Variants in DUOX1 observed in about 807,000 individuals in gnomAD.
DUOX1 encodes NADPH thyroid oxidase 1.
DUOX1 carries 134 observed loss-of-function variants against 181.8 expected under a neutral mutation model. The observed-to-expected ratio is 0.74, with a 90% confidence interval of 0.64 to 0.85. DUOX1 has a LOEUF of 0.85. Among genes scored for constraint, DUOX1 ranks in the 40% least tolerant of loss-of-function variants. The pLI is 0.00. For missense variants in DUOX1, 1,814 were observed against 2,064.4 expected (o/e 0.88, Z 2.35); for synonymous variants, 798 against 832.5 (o/e 0.96, Z 0.71).
At chr15:45,141,558 C>T (rs1373418927) in intron 14 of DUOX1, 148 bp downstream of exon 14, 2 of 859,670 alleles carry the variant, frequency 2.3e-6, no homozygotes, top group Non-Finnish European at 3.8e-6. Flanking sequence ...ACTCCAGGTG[C>T]CAGGGCCACC....
intron 25 of DUOX1, chr15:45,153,172 G>C (rs1896859232): frequency 4.0e-6 from 2 of 494,538 alleles, no homozygotes; most frequent in Non-Finnish European, 7.1e-6. Context: ...AGTGAGCCGA[G>C]ATCGCACCAC....
intron 1 of DUOX1, chr15:45,131,698 A>T: frequency 2.0e-6 from 1 of 498,498 alleles, no homozygotes; most frequent in African/African-American, 2.0e-5. Flanking sequence ...TTTGTTCGTC[A>T]CTTAATCTCC....
chr15:45,163,382 G>A (rs1409310356), intron 31 of DUOX1, 150 bp from the exon 32 acceptor site: 1 of 1,147,368 alleles, frequency 8.7e-7, no homozygotes, highest in Non-Finnish European at 1.2e-6. Context: ...TCAGAGCCTG[G>A]CCCCGTGGCC....
At chr15:45,153,580 A>T in intron 26 of DUOX1, 101 bp downstream of exon 26, 1 of 1,236,674 alleles carries the variant, frequency 8.1e-7, no homozygotes, top group Admixed American at 1.7e-5. Flanking sequence ...GGTGGAAAGA[A>T]ATTATCTGGC....
In DUOX1 at chr15:45,164,844, T is replaced by G; in HGVS notation, c.4599T>G (p.Cys1533Trp). ...PGMTKNVEKA[C>W]QLINRQDRTH... ...TGACCAAGAATGTGGAAAAGGCCTG[T>G]CAGCTCATCAACAGGCAGGACCGGA... is the stretch of plus-strand genomic sequence containing the variant. Residue 1533 changes from cysteine to tryptophan, a missense_variant, in exon 34 of 34, where the codon TGT (cysteine) becomes TGG (tryptophan). By Grantham distance (215) the Cys-to-Trp change is radical. Transcript: ENST00000389037. 6.2e-7 allele frequency: 1 copy of G among 1,614,096 alleles called. No individual in the cohort carries two copies. The highest frequency in any genetic ancestry group is 8.5e-7 in the Non-Finnish European group (1 of 1,179,964).
rs1479260481 is a variant in DUOX1 at position 45,153,394 on chromosome 15, G to A, written c.3439G>A (p.Gly1147Ser). 1 of 1,613,832 alleles carries A rather than the reference G, an allele frequency of 6.2e-7. No individual in the cohort carries two copies. Among genetic ancestry groups the A allele is most frequent in the East Asian group, 2.2e-5 (1 of 44,860 alleles). The change falls in exon 26 of 34, where the codon GGC (glycine) becomes AGC (serine). Residue 1147 changes from glycine (G) to serine (S), a missense_variant. Transcript: ENST00000389037. ...CTCTTCCTTAGTCTTACACAGTGTG[G>A]GCCATGTGGTGAATGTGTACCTGTT... ...AIVLTVLHSVGHVVNVYLFSI... is the reference protein window; with the variant it reads ...AIVLTVLHSVSHVVNVYLFSI...
At chr15:45,137,117 G>A (rs1896339937) in intron 9 of DUOX1, among the ~76,000 whole-genome samples, 1 of 151,426 alleles carries the variant, frequency 6.6e-6, no homozygotes, top group Admixed American at 6.6e-5. Context: ...GGAGGCAGAG[G>A]TGGGTGGTTC....
chr15:45,145,932 G>A (rs971334208), intron 18 of DUOX1, among the ~76,000 whole-genome samples: 9 of 148,536 alleles, frequency 6.1e-5, no homozygotes, highest in Non-Finnish European at 1.0e-4. Context: ...AAAAAAAAAA[G>A]ATAAATACAG....
At position 45,136,360 on chromosome 15, in the gene DUOX1, T is replaced by G. The variant is rs573527785; in HGVS notation, c.875T>G (p.Val292Gly). Residue 292 changes from valine to glycine, a missense_variant, in exon 8 of 34, where the codon GTG becomes GGG. Physicochemically the swap from Val to Gly is moderately radical, Grantham distance 109. Transcript: ENST00000389037. Reference protein sequence around the residue: ...RVIATYQNIAVYEWLPSFLQK... With the variant: ...RVIATYQNIAGYEWLPSFLQK... The stretch of plus-strand genomic sequence containing the variant: ...CTCTCTGCCCCTCAGAACATCGCTG[T>G]GTATGAGTGGCTGCCCAGCTTCCTG... The G allele has an allele frequency of 6.2e-7, 1 of 1,613,704 alleles. No homozygotes were observed. Among genetic ancestry groups the G allele is most frequent in the Admixed American group, 1.7e-5 (1 of 60,010 alleles).
In DUOX1 at chr15:45,135,154, G is replaced by T. The variant is rs150824079; in HGVS notation, c.358G>T (p.Ala120Ser). 22 of 1,613,638 alleles carry T rather than the reference G, an allele frequency of 1.4e-5. No individual in the cohort carries two copies. The East Asian group carries it at 2.7e-4, about 20-fold the overall frequency. The change falls in exon 5 of 34, where the codon GCC becomes TCC. Residue 120 changes from alanine to serine, a missense_variant. Coordinates refer to ENST00000389037, the MANE Select transcript of DUOX1 (RefSeq NM_175940.3). ...LVSVETPGCPAEFLNIRIPPG... is the reference protein window; with the variant it reads ...LVSVETPGCPSEFLNIRIPPG... ...GAGCGTGGAAACTCCCGGCTGCCCC[G>T]CCGAGTTCCTCAACATTCGCATCCC...
At chr15:45,133,804 C>A in intron 2 of DUOX1, 60 bp from the exon 3 acceptor site, 1 of 1,473,208 alleles carries the variant, frequency 6.8e-7, no homozygotes. Context: ...ATCCGGCAGG[C>A]CTGCCTGTCC....
In DUOX1 at chr15:45,135,158, A is replaced by G. The variant is rs755915948; in HGVS notation, c.362A>G (p.Glu121Gly). Residue 121 changes from glutamate (E) to glycine (G), a missense_variant, in exon 5 of 34, where the codon GAG becomes GGG. This residue lies in a region of DUOX1 where 320 missense variants were observed against 313.1 expected (regional missense o/e 1.02). Coordinates refer to ENST00000389037, the MANE Select transcript of DUOX1 (RefSeq NM_175940.3). ...VSVETPGCPA[E>G]FLNIRIPPGD... ...GTGGAAACTCCCGGCTGCCCCGCCG[A>G]GTTCCTCAACATTCGCATCCCGCCC... is the stretch of plus-strand genomic sequence containing the variant. 2 of 1,613,518 alleles carry G rather than the reference A, an allele frequency of 1.2e-6. No individual in the cohort carries two copies. The highest frequency in any genetic ancestry group is 3.3e-5 in the Admixed American group (2 of 59,978).
Position 45,162,346 on chromosome 15 carries a change from C to A in DUOX1, c.4217C>A (p.Ser1406Ter), listed in dbSNP as rs1897130248. The A allele has an allele frequency of 2.5e-6, 4 of 1,613,970 alleles. No individual in the cohort carries two copies. The highest frequency in any genetic ancestry group is 2.5e-6 in the Non-Finnish European group (3 of 1,180,010). Residue 1406 changes from serine to a stop codon, truncating the protein, a stop_gained, in exon 31 of 34, where the codon TCA becomes TAA. Transcript: ENST00000389037. LOFTEE classifies it high-confidence loss of function. ...ASILKDLVFK[S>*]SVSCQVFCKK... The stretch of plus-strand genomic sequence containing the variant: ...ATCCTCAAAGACCTGGTCTTCAAGT[C>A]ATCCGTCAGCTGCCAAGTGTTCTGT...
At chr15:45,152,946 C>G (rs544114860) in intron 25 of DUOX1, 11 of 312,580 alleles carry the variant, frequency 3.5e-5, no homozygotes, top group Non-Finnish European at 6.6e-5. Context: ...TCCAGGCCGG[C>G]GCGGCGGCTT....
In DUOX1 at chr15:45,133,890, G is replaced by T; in HGVS notation, c.85G>T (p.Val29Leu). 2 of 1,613,932 alleles carry T rather than the reference G, an allele frequency of 1.2e-6. No individual in the cohort carries two copies. Among genetic ancestry groups the T allele is most frequent in the Non-Finnish European group, 1.7e-6 (2 of 1,179,948 alleles). ...AGCTCAGAACCCCATTTCGTGGGAG[G>T]TGCAGCGATTTGATGGGTGGTACAA... ...LGAQNPISWEVQRFDGWYNNL... is the reference protein window; with the variant it reads ...LGAQNPISWELQRFDGWYNNL... Residue 29 changes from valine to leucine, a missense_variant, in exon 3 of 34, where the codon GTG (valine) becomes TTG (leucine). This residue lies in a region of DUOX1 where 320 missense variants were observed against 313.1 expected (regional missense o/e 1.02). Transcript: ENST00000389037.
In DUOX1 at chr15:45,140,928, G is replaced by T. The variant is rs746198491; in HGVS notation, c.1423G>T (p.Asp475Tyr). Reference sequence around the variant, plus strand: ...GGCCACAGCTGCCCTGTACAACCAGGACTTATCCTGGCTAGAGCTGCTCCC... The same window carrying T: ...GGCCACAGCTGCCCTGTACAACCAGTACTTATCCTGGCTAGAGCTGCTCCC... ...LEATAALYNQ[D>Y]LSWLELLPGG... Residue 475 changes from aspartate (D) to tyrosine (Y), a missense_variant, in exon 13 of 34, where the codon GAC becomes TAC. Asp to Tyr is a radical substitution (Grantham distance 160). Around this residue, in one of 5 missense-constraint regions of DUOX1, gnomAD observed 1,064 missense variants for 1,152.9 expected, o/e 0.92. Coordinates refer to ENST00000389037, the MANE Select transcript of DUOX1 (RefSeq NM_175940.3). 15 of 1,614,010 alleles carry T rather than the reference G, an allele frequency of 9.3e-6. No homozygotes were observed. Among genetic ancestry groups the T allele is most frequent in the Non-Finnish European group, 1.3e-5 (15 of 1,180,020 alleles).
At chr15:45,143,690 CCT>C (rs572432682) in intron 16 of DUOX1, among the ~76,000 whole-genome samples, 2,146 of 152,238 alleles carry the variant, frequency 0.014, 50 homozygotes, top group African/African-American at 0.049. Flanking sequence ...GGCTATTGGG[CCT>C]TAGGCAGATT....
Position 45,162,322 on chromosome 15 carries a change from T to G in DUOX1, c.4193T>G (p.Ile1398Ser), listed in dbSNP as rs769331186. The change falls in exon 31 of 34, where the codon ATC becomes AGC. Residue 1398 changes from isoleucine to serine, a missense_variant. This residue lies in a region of DUOX1 where 279 missense variants were observed against 381.9 expected (regional missense o/e 0.73). Transcript: ENST00000389037. The part of the protein sequence containing the change: ...GGIGVTPFAS[I>S]LKDLVFKSSV... ...ATTGGGGTCACCCCTTTTGCCTCCA[T>G]CCTCAAAGACCTGGTCTTCAAGTCA... 6 of 1,613,990 alleles carry G rather than the reference T, an allele frequency of 3.7e-6. No individual in the cohort carries two copies. The South Asian group carries it at 6.6e-5, about 18-fold the overall frequency.
At position 45,141,980 on chromosome 15, in the gene DUOX1, C is replaced by T; in HGVS notation, c.1690C>T (p.Pro564Ser). 6.2e-7 allele frequency: 1 copy of T among 1,611,114 alleles called. No homozygotes were observed. Among genetic ancestry groups the T allele is most frequent in the Non-Finnish European group, 8.5e-7 (1 of 1,178,902 alleles). ...PNVFVWHKGD[P>S]CPQPRQLSTE... ...GGCTTCCTCTGCCTTCCCAGGAGAC[C>T]CCTGTCCGCAGCCGAGACAGCTCAG... Residue 564 changes from proline to serine, a missense_variant, in exon 15 of 34, where the codon CCC becomes TCC. Coordinates refer to ENST00000389037, the MANE Select transcript of DUOX1 (RefSeq NM_175940.3).
Sources: gnomAD v4.1 joint callset for allele counts (sites outside exome capture counted in the v4.1 genomes callset) on GRCh38, gnomAD v4.1.1 for gene constraint, gnomAD v4.1.1 regional missense constraint, MANE v1.5 for transcripts, NCBI Gene and HGNC (gene_info 2026-07-23, HGNC 2026-07-21) for gene names.